LIPI: variants seen among roughly 807,000 people sequenced by gnomAD.
The protein encoded by LIPI is lipase member I.
In LIPI, 59 loss-of-function variants were observed where a neutral mutation model predicts 50.6. That is an observed-to-expected ratio of 1.16 (90% CI 0.94 to 1.45). LIPI has a LOEUF of 1.45. LIPI is among the 40% of genes most tolerant of loss of function. LIPI has a pLI of 0.00. For synonymous variants in LIPI, 203 were observed against 178.2 expected (o/e 1.14, Z -1.11); for missense variants, 586 against 536.3 (o/e 1.09, Z -0.92).
intron 1 of LIPI, among the ~76,000 whole-genome samples, chr21:14,202,148 A>G (rs1049686908): frequency 3.3e-5 from 5 of 152,130 alleles, no homozygotes; most frequent in African/African-American, 9.7e-5. Context: ...CCTCTTCAAG[A>G]AGAACTACAA....
At chr21:14,125,196 A>C (rs181559388) in intron 9 of LIPI, among the ~76,000 whole-genome samples, 116 of 152,322 alleles carry the variant, frequency 7.6e-4, no homozygotes, top group African/African-American at 2.5e-3. Flanking sequence ...TTTGAAAAGC[A>C]CTAGAAATGG....
intron 1 of LIPI, among the ~76,000 whole-genome samples, chr21:14,196,204 T>C (rs369802236): frequency 4.7e-5 from 7 of 148,740 alleles, no homozygotes; most frequent in East Asian, 3.9e-4. Flanking sequence ...AACTGTGGCA[T>C]GTCTGTGTAA....
At chr21:14,154,424 T>C (rs1278431152) in intron 7 of LIPI, among the ~76,000 whole-genome samples, 1 of 152,008 alleles carries the variant, frequency 6.6e-6, no homozygotes, top group Non-Finnish European at 1.5e-5. Context: ...ATTGAAAAGC[T>C]ACTACTAGGA....
At chr21:14,177,287 A>AT (rs1295512947) in intron 4 of LIPI, among the ~76,000 whole-genome samples, 2 of 152,094 alleles carry the variant, frequency 1.3e-5, no homozygotes, top group South Asian at 4.1e-4. Context: ...ATATTTGCAT[A>AT]TTTTTTATCA....
intron 1 of LIPI, among the ~76,000 whole-genome samples, chr21:14,207,864 T>G (rs1398344135): frequency 6.6e-6 from 1 of 152,190 alleles, no homozygotes; most frequent in East Asian, 1.9e-4. Flanking sequence ...AACATTTATG[T>G]TACCTTCTTT....
intron 2 of LIPI, 71 bp from the exon 3 acceptor site, chr21:14,186,140 A>G: frequency 1.2e-6 from 1 of 855,134 alleles, no homozygotes; most frequent in South Asian, 1.4e-5. Flanking sequence ...CCCCTCATAT[A>G]TCGACATTTC....
intron 1 of LIPI, among the ~76,000 whole-genome samples, chr21:14,196,142 T>G (rs2019837891): frequency 8.1e-6 from 1 of 123,742 alleles, no homozygotes. Flanking sequence ...TTTTTTTACA[T>G]GACACCAAAT....
intron 4 of LIPI, among the ~76,000 whole-genome samples, chr21:14,174,592 C>T (rs1012651757): frequency 1.3e-5 from 2 of 151,842 alleles, no homozygotes; most frequent in African/African-American, 4.8e-5. Flanking sequence ...CTGGCTCTGT[C>T]GCCCAGGCTG....
chr21:14,155,674 C>G (rs1170022700), intron 7 of LIPI, among the ~76,000 whole-genome samples: 1 of 151,932 alleles, frequency 6.6e-6, no homozygotes, highest in African/African-American at 2.4e-5. Flanking sequence ...TAACATTTTT[C>G]AAGTGCTGAA....
rs185408573 is a variant in LIPI, at chr21:14,121,955, G to A, written c.1296-12875C>T. Reference sequence around the variant, plus strand: ...CACAACAGGAAGCTGACTAGTCTACGCATGGCTGAAGCCTGAGGAAGTTGG... The same window carrying A: ...CACAACAGGAAGCTGACTAGTCTACACATGGCTGAAGCCTGAGGAAGTTGG... On this transcript the variant is annotated intron_variant, in intron 9 of 9. Coordinates refer to ENST00000681601, the MANE Select transcript of LIPI (RefSeq NM_001302998.2). 1.4e-4 allele frequency among the ~76,000 whole-genome samples: 21 copies of A among 152,350 alleles called. No individual in the cohort carries two copies. In the East Asian group the frequency reaches 3.3e-3, roughly 24 times the overall value.
At chr21:14,177,013 G>A (rs2019121028) in intron 4 of LIPI, among the ~76,000 whole-genome samples, 1 of 151,968 alleles carries the variant, frequency 6.6e-6, no homozygotes, top group Non-Finnish European at 1.5e-5. Flanking sequence ...CAGTTCTCAG[G>A]TGTAATGTTC....
intron 1 of LIPI, among the ~76,000 whole-genome samples, chr21:14,194,651 G>A (rs988737887): frequency 9.9e-5 from 15 of 152,170 alleles, no homozygotes; most frequent in Admixed American, 7.9e-4. Context: ...GGGAAAAGGG[G>A]AAATGAGGAG....
rs147658058 is a variant in LIPI at position 14,142,419 on chromosome 21, A to G, written c.1295+2204T>C. ...AGCATATTAGGTCAATGGCTTAATT[A>G]TAGATTATAATAATTATGTATTATA... On this transcript the variant is annotated intron_variant, in intron 9 of 9. Coordinates refer to ENST00000681601, the MANE Select transcript of LIPI (RefSeq NM_001302998.2). Among the ~76,000 whole-genome samples the G allele has an allele frequency of 4.0e-4, 60 of 150,362 alleles. 2 individuals are homozygous for G. The East Asian group carries it at 8.9e-3, about 22-fold the overall frequency.
intron 9 of LIPI, among the ~76,000 whole-genome samples, chr21:14,129,126 C>A (rs1344758587): frequency 1.3e-5 from 2 of 151,960 alleles, no homozygotes; most frequent in Non-Finnish European, 1.5e-5. Context: ...ATGACGTGGT[C>A]AGCCTGTTCA....
At chr21:14,191,166 C>T (rs2019658033) in intron 1 of LIPI, among the ~76,000 whole-genome samples, 1 of 151,914 alleles carries the variant, frequency 6.6e-6, no homozygotes, top group African/African-American at 2.4e-5. Context: ...ATCACGAGGT[C>T]AGGAGATCGA....
intron 9 of LIPI, among the ~76,000 whole-genome samples, chr21:14,128,695 T>C (rs149406702): frequency 1.3e-3 from 204 of 152,174 alleles, no homozygotes; most frequent in Admixed American, 2.0e-3. Context: ...ATCCAAAGCA[T>C]GCATGTTGGA....
At chr21:14,158,821 A>C (rs1319676143) in intron 7 of LIPI, among the ~76,000 whole-genome samples, 3 of 151,050 alleles carry the variant, frequency 2.0e-5, no homozygotes, top group Admixed American at 1.3e-4. Flanking sequence ...AGGCATTACT[A>C]AAGATAATGC....
At chr21:14,157,184 A>G (rs949191283) in intron 7 of LIPI, among the ~76,000 whole-genome samples, 8 of 151,916 alleles carry the variant, frequency 5.3e-5, no homozygotes, top group Non-Finnish European at 1.2e-4. Flanking sequence ...CGTTAAATTA[A>G]AAAGAATCCT....
intron 8 of LIPI, 26 bp from the exon 9 acceptor site, chr21:14,144,825 G>A (rs756773270): frequency 7.6e-6 from 11 of 1,454,230 alleles, no homozygotes; most frequent in Non-Finnish European, 1.1e-5. Context: ...GATACACGCA[G>A]CATATTAATA....
Sources: gnomAD v4.1 joint callset for allele counts (sites outside exome capture counted in the v4.1 genomes callset) on GRCh38, gnomAD v4.1.1 for gene constraint, MANE v1.5 for transcripts, NCBI Gene and HGNC (gene_info 2026-07-23, HGNC 2026-07-21) for gene names.